The following C6 variants were observed in gnomAD, a reference collection of about 807,000 sequenced individuals.
The protein encoded by C6 is complement component C6.
C6 carries 101 observed loss-of-function variants against 112.9 expected under a neutral mutation model. The ratio of observed to expected loss-of-function variants is 0.89; its 90% CI spans 0.76 to 1.06. The LOEUF (loss-of-function observed/expected upper bound fraction) is 1.06. Among genes scored for constraint, C6 ranks in the 50% least tolerant of loss-of-function variants. The pLI is 0.00. For missense variants in C6, 1,202 were observed against 1,104.6 expected, an observed-to-expected ratio of 1.09 and a Z score of -1.25; for synonymous variants, 431 against 384.1, an observed-to-expected ratio of 1.12 and a Z score of -1.43.
intron 15 of C6, among the ~76,000 whole-genome samples, chr5:41,150,592 C>T (rs1316282846): frequency 6.6e-6 from 1 of 151,990 alleles, no homozygotes; most frequent in Non-Finnish European, 1.5e-5. Context: ...TGGAAAAGTT[C>T]AAATGGGAGG....
rs552622728 is a variant in C6 at position 41,180,594 on chromosome 5, C to CA, written c.927+764dup. On this transcript the variant is annotated intron_variant, in intron 7 of 17. Coordinates refer to ENST00000337836, the MANE Select transcript of C6 (RefSeq NM_000065.5). ...TTAGACATACCCTAAGTTCCAAGTG[C>CA]AAAAAAGAATTGTAACTTTTCAAGC... 3.8e-3 allele frequency among the ~76,000 whole-genome samples: 579 copies of CA among 151,484 alleles called. 3 individuals carry two copies. Among genetic ancestry groups the CA allele is most frequent in the African/African-American group, 0.013 (553 of 41,340 alleles).
At chr5:41,143,578 C>G (rs1032140246) in intron 17 of C6, among the ~76,000 whole-genome samples, 1 of 152,186 alleles carries the variant, frequency 6.6e-6, no homozygotes, top group African/African-American at 2.4e-5. Flanking sequence ...TGAACCCTTA[C>G]AGCAAACATA....
chr5:41,207,447 G>A (rs1217791427), intron 1 of C6, among the ~76,000 whole-genome samples: 1 of 152,144 alleles, frequency 6.6e-6, no homozygotes, highest in Non-Finnish European at 1.5e-5. Context: ...TGGATAAAGA[G>A]TCAAGACCCA....
chr5:41,189,618 G>A (rs1750044919), intron 5 of C6, among the ~76,000 whole-genome samples: 2 of 151,696 alleles, frequency 1.3e-5, no homozygotes, highest in South Asian at 4.2e-4. Context: ...AACATGTTGG[G>A]AATATTCAAA....
intron 15 of C6, among the ~76,000 whole-genome samples, chr5:41,151,261 G>A (rs1364050641): frequency 6.6e-6 from 1 of 152,130 alleles, no homozygotes; most frequent in East Asian, 1.9e-4. Flanking sequence ...TTGGACCAAG[G>A]TTCCAGAGGT....
chr5:41,155,107 T>C lies in C6; in HGVS notation c.1969-3A>G, dbSNP rs1467462987. ...ACCAAGTATAGTTGCTTTTCATTCT[T>C]AATTAAAGCAGAAACCAGAAATTAT... On this transcript the variant is annotated splice_region_variant and splice_polypyrimidine_tract_variant and intron_variant, in intron 13 of 17. Coordinates refer to ENST00000337836, the MANE Select transcript of C6 (RefSeq NM_000065.5). 1 of 1,612,318 alleles carries C rather than the reference T, an allele frequency of 6.2e-7. No individual in the cohort carries two copies.
chr5:41,175,290 G>A (rs561112019), intron 8 of C6, among the ~76,000 whole-genome samples: 1 of 152,132 alleles, frequency 6.6e-6, no homozygotes, highest in Non-Finnish European at 1.5e-5. Context: ...ACATCTTACT[G>A]AATATATATA....
intron 1 of C6, among the ~76,000 whole-genome samples, chr5:41,237,752 A>C (rs1204725369): frequency 9.5e-5 from 4 of 41,990 alleles, no homozygotes; most frequent in Non-Finnish European, 9.3e-5. Context: ...AGAAGGAAAT[A>C]AAGGGTATTC....
chr5:41,181,263 G>T, intron 7 of C6, 96 bp downstream of exon 7: 1 of 1,118,902 alleles, frequency 8.9e-7, no homozygotes, highest in South Asian at 1.3e-5. Context: ...AGTCATACTG[G>T]TACAATATCA....
intron 7 of C6, 109 bp from the exon 8 acceptor site, chr5:41,176,824 A>G: frequency 1.9e-6 from 2 of 1,072,136 alleles, no homozygotes; most frequent in Non-Finnish European, 2.7e-6. Context: ...CCACAGAATT[A>G]CAATAATTCT....
rs202107773 is a variant in C6, at chr5:41,160,188, G to A, written c.1638C>T (p.Gly546=). ...GTECLCVCQS[G]TYGENCEKQS... ...GTTTCTCACAGTTCTCACCATAGGTGCCACTCTGACACACACACAGACATT... is the reference window on the plus strand; with the variant it reads ...GTTTCTCACAGTTCTCACCATAGGTACCACTCTGACACACACACAGACATT... The change falls in exon 11 of 18, where the codon GGC becomes GGT. Residue 546 remains glycine (G), a synonymous_variant. Transcript: ENST00000337836. 10 of 1,613,852 alleles carry A rather than the reference G, an allele frequency of 6.2e-6. No homozygotes were observed. In the African/African-American group the frequency reaches 1.2e-4, roughly 19 times the overall value.
chr5:41,254,550 C>T (rs756359761), intron 1 of C6, among the ~76,000 whole-genome samples: 5 of 152,218 alleles, frequency 3.3e-5, no homozygotes, highest in Non-Finnish European at 7.3e-5. Context: ...TCACCAGCCT[C>T]ATTATATAGC....
At chr5:41,174,095 T>C (rs1748647767) in intron 8 of C6, among the ~76,000 whole-genome samples, 1 of 152,216 alleles carries the variant, frequency 6.6e-6, no homozygotes, top group Admixed American at 6.5e-5. Flanking sequence ...ATGAATTAAC[T>C]ATAAACTTAA....
rs1580129265 is a variant in C6 at position 41,181,304 on chromosome 5, G to A, written c.927+55C>T. The A allele has an allele frequency of 6.2e-6, 9 of 1,462,688 alleles. No individual in the cohort carries two copies. The East Asian group carries it at 6.8e-5, about 11-fold the overall frequency. The allele number at this position is 1,462,688 out of a possible 1,614,324, so 90.6% of individuals were successfully genotyped here. On this transcript the variant is annotated intron_variant, in intron 7 of 17. Transcript: ENST00000337836. ...CTCCCCTTCTTATTGCATGATTACTGGAATTACTGTTAATTTTCAAGAAAG... is the reference window on the plus strand; with the variant it reads ...CTCCCCTTCTTATTGCATGATTACTAGAATTACTGTTAATTTTCAAGAAAG...
intron 11 of C6, among the ~76,000 whole-genome samples, chr5:41,159,693 T>C (rs1747283983): frequency 6.6e-6 from 1 of 152,002 alleles, no homozygotes; most frequent in Non-Finnish European, 1.5e-5. Flanking sequence ...TGAACATACT[T>C]AGTCCTGTAT....
rs535059483 is a variant in C6 at position 41,202,904 on chromosome 5, G to A, written c.143+184C>T. Among the ~76,000 whole-genome samples the A allele has an allele frequency of 8.5e-5, 13 of 152,272 alleles. 1 individual carries two copies. The South Asian group carries it at 2.7e-3, about 32-fold the overall frequency. On this transcript the variant is annotated intron_variant, in intron 2 of 17. Transcript: ENST00000337836. ...TTCTTTGAAACCCCTCGTTCTTGTA[G>A]AAAGAACAAAAGTAGACTTCCTTTC...
intron 1 of C6, among the ~76,000 whole-genome samples, chr5:41,208,483 T>C (rs1470944385): frequency 4.6e-5 from 7 of 151,264 alleles, no homozygotes; most frequent in Non-Finnish European, 8.8e-5. Flanking sequence ...GCAAGACTAA[T>C]AAAGAAGAAA....
chr5:41,204,857 G>C (rs1385395068), intron 1 of C6, among the ~76,000 whole-genome samples: 2 of 151,906 alleles, frequency 1.3e-5, no homozygotes, highest in African/African-American at 4.8e-5. Flanking sequence ...TTTTAGTAGA[G>C]ACGGGGTTTC....
chr5:41,199,663 G>T (rs1306225698), intron 4 of C6, 105 bp downstream of exon 4: 1 of 1,102,648 alleles, frequency 9.1e-7, no homozygotes, highest in Non-Finnish European at 1.4e-6. Context: ...CTTAAAATGT[G>T]GTGGGATTTC....
Sources: allele counts gnomAD v4.1 joint callset (sites outside exome capture counted in the v4.1 genomes callset), GRCh38; gene constraint gnomAD v4.1.1; transcripts MANE v1.5; gene names NCBI Gene and HGNC (gene_info 2026-07-23, HGNC 2026-07-21).